Variants in MIGA1 observed in about 807,000 individuals in gnomAD.
MIGA1 encodes mitoguardin 1.
A neutral mutation model predicts 82.0 loss-of-function variants in MIGA1; 58 were observed. The ratio of observed to expected loss-of-function variants is 0.71; its 90% CI spans 0.57 to 0.88. The LOEUF (loss-of-function observed/expected upper bound fraction) is 0.88, where lower values mean the gene tolerates loss of function less well. MIGA1 is among the 40% of genes least tolerant of loss of function. MIGA1 has a pLI of 0.00. For synonymous variants in MIGA1, 249 were observed against 253.6 expected, an observed-to-expected ratio of 0.98 and a Z score of 0.17; for missense variants, 751 against 749.1, an observed-to-expected ratio of 1.00 and a Z score of -0.03.
chr1:77,799,665 G>T (rs1363740468), intron 2 of MIGA1, among the ~76,000 whole-genome samples: 2 of 149,718 alleles, frequency 1.3e-5, no homozygotes, highest in Non-Finnish European at 3.0e-5. Flanking sequence ...TGTGTTACCT[G>T]TTTTTTTTTC....
In MIGA1 at chr1:77,801,366, G is replaced by T; in HGVS notation, c.231G>T (p.Val77=). ...CTCCGGTGGCTAAAAAGTTGTTTGT[G>T]GTAACTGCAGTGAGTGCTATATCTG... Residue 77 remains valine (V), a synonymous_variant, in exon 3 of 16, where the codon GTG becomes GTT. Coordinates refer to ENST00000370791, the MANE Select transcript of MIGA1 (RefSeq NM_198549.4). 1.3e-6 allele frequency: 2 copies of T among 1,565,648 alleles called. No homozygotes were observed. The highest frequency in any genetic ancestry group is 1.7e-6 in the Non-Finnish European group (2 of 1,165,890).
At chr1:77,792,786 C>CTTTTTT (rs888755051) in intron 2 of MIGA1, among the ~76,000 whole-genome samples, 10 of 121,612 alleles carry the variant, frequency 8.2e-5, no homozygotes, top group Non-Finnish European at 1.2e-4. Flanking sequence ...GGATTGTTTG[C>CTTTTTT]TTTTTTTTTT....
chr1:77,795,369 A>G (rs1425147976), intron 2 of MIGA1, among the ~76,000 whole-genome samples: 1 of 145,736 alleles, frequency 6.9e-6, no homozygotes, highest in Non-Finnish European at 1.5e-5. Flanking sequence ...TTTTTTTGAG[A>G]TAGTTTCTTG....
chr1:77,790,443 T>A (rs1178368357), intron 2 of MIGA1, among the ~76,000 whole-genome samples: 1 of 152,144 alleles, frequency 6.6e-6, no homozygotes, highest in Non-Finnish European at 1.5e-5. Flanking sequence ...ATTTTTTGTA[T>A]TTTTAGTAGA....
chr1:77,805,461 C>CTTTTTT (rs11408292), intron 4 of MIGA1, among the ~76,000 whole-genome samples: 54 of 110,086 alleles, frequency 4.9e-4, no homozygotes, highest in East Asian at 5.4e-4. Context: ...TATGCCTATT[C>CTTTTTT]TTTTTTTTTT....
At chr1:77,815,344 T>C (rs556315455) in intron 7 of MIGA1, 113 bp downstream of exon 7, 1 of 862,488 alleles carries the variant, frequency 1.2e-6, no homozygotes. Flanking sequence ...TAAAAAAAAA[T>C]AAACTAGCCA....
chr1:77,863,502 G>A (rs897548133), intron 12 of MIGA1, among the ~76,000 whole-genome samples: 2 of 152,122 alleles, frequency 1.3e-5, no homozygotes, highest in South Asian at 2.1e-4. Context: ...TGAGCACTTG[G>A]TACAGCATGT....
intron 1 of MIGA1, chr1:77,779,968 G>T: frequency 3.0e-6 from 4 of 1,331,194 alleles, no homozygotes; most frequent in Non-Finnish European, 3.8e-6. Flanking sequence ...GTCGGGCCTG[G>T]TTAGTACTTG....
At chr1:77,812,061 C>T (rs1683360562) in intron 5 of MIGA1, among the ~76,000 whole-genome samples, 1 of 152,218 alleles carries the variant, frequency 6.6e-6, no homozygotes. Flanking sequence ...CACCTGTAAT[C>T]CCATAACTTA....
intron 5 of MIGA1, among the ~76,000 whole-genome samples, chr1:77,807,510 A>G (rs1683146801): frequency 6.6e-6 from 1 of 152,150 alleles, no homozygotes; most frequent in Admixed American, 6.5e-5. Context: ...AAGCAACTAT[A>G]ATTTTAAATG....
chr1:77,857,512 G>GC (rs554082495), intron 8 of MIGA1, among the ~76,000 whole-genome samples: 9 of 151,820 alleles, frequency 5.9e-5, no homozygotes, highest in Non-Finnish European at 8.8e-5. Context: ...ACTGCACCTG[G>GC]CCCCCCCTAA....
At chr1:77,797,284 A>C (rs1008398395) in intron 2 of MIGA1, among the ~76,000 whole-genome samples, 1 of 151,702 alleles carries the variant, frequency 6.6e-6, no homozygotes, top group Non-Finnish European at 1.5e-5. Context: ...TCTTCTTTGG[A>C]TTTTCTTTCT....
chr1:77,817,703 A>G (rs1223327521), intron 7 of MIGA1, among the ~76,000 whole-genome samples: 2 of 152,324 alleles, frequency 1.3e-5, no homozygotes, highest in Non-Finnish European at 2.9e-5. Flanking sequence ...AAAATTGCCT[A>G]GAAGTCAGTT....
chr1:77,794,296 T>C (rs1030465231), intron 2 of MIGA1, among the ~76,000 whole-genome samples: 2 of 152,182 alleles, frequency 1.3e-5, no homozygotes, highest in Admixed American at 1.3e-4. Context: ...TTTTATTACT[T>C]TTTTCCACCT....
intron 2 of MIGA1, among the ~76,000 whole-genome samples, chr1:77,800,230 C>A (rs1463964586): frequency 1.3e-5 from 2 of 152,114 alleles, no homozygotes; most frequent in Non-Finnish European, 2.9e-5. Context: ...ATAAGATATG[C>A]AAGAAAGGTG....
chr1:77,860,462 G>A (rs926038321), intron 11 of MIGA1: 3 of 182,550 alleles, frequency 1.6e-5, no homozygotes, highest in Non-Finnish European at 3.4e-5. Context: ...AGGAAATAGC[G>A]TAGGTCTCAG....
At chr1:77,821,149 A>G (rs1683792754) in intron 7 of MIGA1, among the ~76,000 whole-genome samples, 2 of 150,980 alleles carry the variant, frequency 1.3e-5, no homozygotes, top group African/African-American at 2.4e-5. Flanking sequence ...AAAAAAAAAG[A>G]TAATAAATTC....
At chr1:77,867,237 C>CT (rs1450090449) in intron 14 of MIGA1, among the ~76,000 whole-genome samples, 2 of 152,166 alleles carry the variant, frequency 1.3e-5, no homozygotes, top group Non-Finnish European at 2.9e-5. Context: ...CACATACTAG[C>CT]TATGTGACCT....
chr1:77,849,270 GCCTGTAGTC>G (rs1684958726), intron 8 of MIGA1, among the ~76,000 whole-genome samples: 1 of 152,136 alleles, frequency 6.6e-6, no homozygotes, highest in African/African-American at 2.4e-5. Flanking sequence ...GGTGGTGCAT[GCCTGTAGTC>G]CCAGCTGTTC....
Sources: gnomAD v4.1 joint callset for allele counts (sites outside exome capture counted in the v4.1 genomes callset) on GRCh38, gnomAD v4.1.1 for gene constraint, MANE v1.5 for transcripts, NCBI Gene and HGNC (gene_info 2026-07-23, HGNC 2026-07-21) for gene names.